DGKG: variants seen among roughly 807,000 people sequenced by gnomAD.
DGKG encodes the protein diacylglycerol kinase gamma, also known as DAG kinase gamma.
DGKG carries 78 observed loss-of-function variants against 105.3 expected under a neutral mutation model. The observed-to-expected ratio is 0.74, with a 90% CI of 0.62 to 0.89. The LOEUF (loss-of-function observed/expected upper bound fraction) is 0.89, where lower values mean the gene tolerates loss of function less well. Ranked by LOEUF, DGKG falls within the 40% of genes least tolerant of loss-of-function variation. The pLI is 0.00. For missense variants in DGKG, 958 were observed against 1,020.1 expected, an observed-to-expected ratio of 0.94 and a Z score of 0.83; for synonymous variants, 346 against 367.1, an observed-to-expected ratio of 0.94 and a Z score of 0.66.
At chr3:186,326,044 T>G (rs982299649) in intron 1 of DGKG, among the ~76,000 whole-genome samples, 4 of 152,128 alleles carry the variant, frequency 2.6e-5, no homozygotes, top group African/African-American at 9.7e-5. Context: ...CCACGTATGC[T>G]CACTGCTGCT....
chr3:186,355,282 T>C (rs1334340674), intron 1 of DGKG, among the ~76,000 whole-genome samples: 60 of 23,588 alleles, frequency 2.5e-3, no homozygotes, highest in East Asian at 0.023. Flanking sequence ...ACCAGCACGA[T>C]CATCATCACC....
intron 24 of DGKG, among the ~76,000 whole-genome samples, chr3:186,154,383 C>G (rs1715922794): frequency 6.6e-6 from 1 of 152,072 alleles, no homozygotes; most frequent in East Asian, 1.9e-4. Flanking sequence ...TGGCTCACAC[C>G]TGTAATCCTG....
rs149797517 is a variant in DGKG, at chr3:186,168,948, T to A, written c.2096-3930A>T. On this transcript the variant is annotated intron_variant, in intron 22 of 24. Transcript: ENST00000265022. ...CGTAAACTGATAGGAAGGAAACAAT[T>A]TGGCCAATTTTACTAAGTATAAAAC... 1.4e-4 allele frequency among the ~76,000 whole-genome samples: 21 copies of A among 152,264 alleles called. No individual in the cohort carries two copies. The East Asian group carries it at 3.9e-3, about 28-fold the overall frequency.
intron 5 of DGKG, among the ~76,000 whole-genome samples, chr3:186,292,871 T>TA (rs1037626025): frequency 1.3e-5 from 2 of 152,126 alleles, no homozygotes; most frequent in Non-Finnish European, 2.9e-5. Flanking sequence ...CCCAATTCTG[T>TA]AAAAAAATTA....
In DGKG at chr3:186,355,455, C is replaced by T. The variant is rs932713886; in HGVS notation, c.-249+6491G>A. ...CTACTCCCACCACTATGATCATCACCACCATTATCATAACCCCCACAACCA... is the reference window on the plus strand; with the variant it reads ...CTACTCCCACCACTATGATCATCACTACCATTATCATAACCCCCACAACCA... On this transcript the variant is annotated intron_variant, in intron 1 of 24. Transcript: ENST00000265022. 1.5e-4 allele frequency among the ~76,000 whole-genome samples: 22 copies of T among 151,042 alleles called. No individual in the cohort carries two copies. In the East Asian group the frequency reaches 4.3e-3, roughly 30 times the overall value.
At chr3:186,247,242 G>GA (rs1720988188) in intron 19 of DGKG, among the ~76,000 whole-genome samples, 1 of 152,182 alleles carries the variant, frequency 6.6e-6, no homozygotes, top group Non-Finnish European at 1.5e-5. Context: ...TCACTCCCTG[G>GA]AGAGGCCAGG....
chr3:186,247,787 G>A (rs1721013385), intron 19 of DGKG, among the ~76,000 whole-genome samples: 1 of 152,170 alleles, frequency 6.6e-6, no homozygotes, highest in Admixed American at 6.5e-5. Flanking sequence ...AGCTAAAGGT[G>A]TATGAAAAAA....
intron 5 of DGKG, among the ~76,000 whole-genome samples, chr3:186,295,398 A>C (rs1723501273): frequency 6.6e-6 from 1 of 151,764 alleles, no homozygotes; most frequent in East Asian, 1.9e-4. Flanking sequence ...GCTACTCGAG[A>C]GACTGAGGCT....
chr3:186,170,485 G>A lies in DGKG; in HGVS notation c.2096-5467C>T, dbSNP rs552507425. ...CAAGCCCTCTGGAAGATTCTGAGGCGTACTTAAGTTTGAGAACTTGGGCCT... is the reference window on the plus strand; with the variant it reads ...CAAGCCCTCTGGAAGATTCTGAGGCATACTTAAGTTTGAGAACTTGGGCCT... On this transcript the variant is annotated intron_variant, in intron 22 of 24. Transcript: ENST00000265022. Among the ~76,000 whole-genome samples, 10 of 152,300 alleles carry A rather than the reference G, an allele frequency of 6.6e-5. No individual in the cohort carries two copies. The South Asian group carries it at 8.3e-4, about 13-fold the overall frequency.
chr3:186,185,393 A>G (rs1717576642), intron 22 of DGKG, among the ~76,000 whole-genome samples: 2 of 152,222 alleles, frequency 1.3e-5, no homozygotes, highest in African/African-American at 2.4e-5. Context: ...GTTCCTGTAC[A>G]TGATAGTCAA....
intron 19 of DGKG, among the ~76,000 whole-genome samples, chr3:186,249,111 G>C (rs1476508262): frequency 1.3e-5 from 2 of 152,150 alleles, no homozygotes; most frequent in Admixed American, 6.5e-5. Context: ...GTCCAAAAAG[G>C]AGAGGGGCCT....
At chr3:186,190,216 G>C (rs1717839171) in intron 21 of DGKG, among the ~76,000 whole-genome samples, 1 of 152,100 alleles carries the variant, frequency 6.6e-6, no homozygotes, top group Non-Finnish European at 1.5e-5. Flanking sequence ...CTACTACCAG[G>C]TTGTGCCACC....
chr3:186,246,933 T>C (rs867396013), intron 19 of DGKG, among the ~76,000 whole-genome samples: 2 of 152,170 alleles, frequency 1.3e-5, no homozygotes, highest in South Asian at 4.1e-4. Flanking sequence ...CTGTTAAGGC[T>C]CATGAAAGCA....
Position 186,147,589 on chromosome 3 carries a change from T to C in DGKG, c.*2501A>G. ...ATACTCCATGCCTCTAAGAAGGACTTGGGATATGTCTCTCAAGCAACATTG... is the reference window on the plus strand; with the variant it reads ...ATACTCCATGCCTCTAAGAAGGACTCGGGATATGTCTCTCAAGCAACATTG... On this transcript the variant is annotated 3_prime_UTR_variant, in exon 25 of 25. Transcript: ENST00000265022. 1 of 985,408 alleles carries C rather than the reference T, an allele frequency of 1.0e-6. No homozygotes were observed. 61.0% of individuals were successfully genotyped at this position (985,408 alleles called of 1,614,324 possible).
Position 186,203,775 on chromosome 3 carries a change from T to C in DGKG, c.1917+8020A>G, listed in dbSNP as rs1047033558. 1.4e-4 allele frequency among the ~76,000 whole-genome samples: 21 copies of C among 152,230 alleles called. No homozygotes were observed. Among genetic ancestry groups the C allele is most frequent in the African/African-American group, 5.1e-4 (21 of 41,458 alleles). On this transcript the variant is annotated intron_variant, in intron 21 of 24. Coordinates refer to ENST00000265022, the MANE Select transcript of DGKG (RefSeq NM_001346.3). This position sits in a 1 kb window ranked among gnomAD's most constrained non-coding sequence, Gnocchi z 4.9. ...ACGAACTCAAAATCCCTTCTAATGC[T>C]CTTCTCAACTTTCCCTTCCCCATGC...
At chr3:186,359,236 A>G (rs901681048) in intron 1 of DGKG, among the ~76,000 whole-genome samples, 1 of 152,158 alleles carries the variant, frequency 6.6e-6, no homozygotes, top group Non-Finnish European at 1.5e-5. Context: ...ATATACTGTG[A>G]GCCTTAAAAC....
chr3:186,249,035 T>C (rs1288168515), intron 19 of DGKG, among the ~76,000 whole-genome samples: 1 of 152,160 alleles, frequency 6.6e-6, no homozygotes, highest in Non-Finnish European at 1.5e-5. Flanking sequence ...CTGTCAGTCA[T>C]GTCTAATTTG....
chr3:186,170,769 A>G (rs981200437), intron 22 of DGKG, among the ~76,000 whole-genome samples: 1 of 152,188 alleles, frequency 6.6e-6, no homozygotes, highest in Non-Finnish European at 1.5e-5. Context: ...TGGTCAGTCT[A>G]TCTACCTTCT....
chr3:186,320,455 C>T lies in DGKG; in HGVS notation c.5G>A (p.Gly2Asp). M[G>D]EERWVSLTPE... ...AGTGAGGGAGACCCACCGTTCTTCA[C>T]CCATTTTTAAACTTTATGTGAGTGG... The change falls in exon 2 of 25, where the codon GGT becomes GAT. Residue 2 changes from glycine (G) to aspartate (D), a missense_variant. Physicochemically the swap from Gly to Asp is moderately conservative, Grantham distance 94. Around this residue, in one of 2 missense-constraint regions of DGKG, gnomAD observed 643 missense variants for 619.5 expected, o/e 1.04. Coordinates refer to ENST00000265022, the MANE Select transcript of DGKG (RefSeq NM_001346.3). 2 of 1,614,172 alleles carry T rather than the reference C, an allele frequency of 1.2e-6. No individual in the cohort carries two copies. The highest frequency in any genetic ancestry group is 1.1e-5 in the South Asian group (1 of 91,078).
Sources: gnomAD v4.1 joint callset for allele counts (sites outside exome capture counted in the v4.1 genomes callset) on GRCh38, gnomAD v4.1.1 for gene constraint, gnomAD v4.1.1 regional missense constraint, Gnocchi (gnomAD v3.1) non-coding constraint, MANE v1.5 for transcripts, NCBI Gene and HGNC (gene_info 2026-07-23, HGNC 2026-07-21) for gene names.